ZMYM4: variants seen among roughly 807,000 people sequenced by gnomAD.
The protein encoded by ZMYM4 is zinc finger MYM-type containing 4, also known as zinc finger MYM-type protein 4.
A neutral mutation model predicts 183.2 loss-of-function variants in ZMYM4; 31 were observed. The observed-to-expected ratio is 0.17, with a 90% CI of 0.13 to 0.23. The LOEUF (loss-of-function observed/expected upper bound fraction) is 0.23, where lower values mean the gene tolerates loss of function less well. Ranked by LOEUF, ZMYM4 falls within the 10% of genes least tolerant of loss-of-function variation. The pLI is 1.00. For synonymous variants in ZMYM4, 592 were observed against 631.2 expected (o/e 0.94, Z 0.93); for missense variants, 1,273 against 1,840.3 (o/e 0.69, Z 5.64).
intron 1 of ZMYM4, among the ~76,000 whole-genome samples, chr1:35,311,159 T>C (rs7553351): frequency 0.99 from 150,862 of 152,178 alleles, 74,794 homozygotes; most frequent in Non-Finnish European, 1. Context: ...GTGGCTCACG[T>C]CTGTAATCCC....
At position 35,303,287 on chromosome 1, in the gene ZMYM4, C is replaced by CAA. The variant is rs768765815; in HGVS notation, c.40-22058_40-22057dup. Among the ~76,000 whole-genome samples, 67 of 71,000 alleles carry CAA rather than the reference C, an allele frequency of 9.4e-4. 1 individual carries two copies. In the East Asian group the frequency reaches 0.017, roughly 18 times the overall value. The allele number at this position is 71,000 out of a possible 152,430, so 46.6% of individuals were successfully genotyped here. A position where few individuals can be genotyped will look rare whatever the true frequency, so the allele number is the denominator to read the frequency against. ...CTGGTGACAGAGGGATACCTTGTCT[C>CAA]AAAAAAAAAAAAAAAAGAAAAGAAA... On this transcript the variant is annotated intron_variant, in intron 1 of 29. Transcript: ENST00000314607.
At chr1:35,391,805 G>A (rs1423381124) in intron 15 of ZMYM4, among the ~76,000 whole-genome samples, 1 of 151,288 alleles carries the variant, frequency 6.6e-6, no homozygotes, top group Non-Finnish European at 1.5e-5. Flanking sequence ...CACTTTGGGA[G>A]GCTGAGGCAG....
intron 18 of ZMYM4, among the ~76,000 whole-genome samples, chr1:35,395,806 A>G (rs1380847797): frequency 2.0e-5 from 3 of 152,208 alleles, no homozygotes; most frequent in Admixed American, 1.3e-4. Flanking sequence ...TCAGTGCTAT[A>G]CAGAAGTATG....
At chr1:35,377,632 A>G (rs745951188) in intron 7 of ZMYM4, among the ~76,000 whole-genome samples, 10 of 152,234 alleles carry the variant, frequency 6.6e-5, no homozygotes, top group African/African-American at 9.6e-5. Flanking sequence ...TCTGTGTGCA[A>G]TAGCATTAAA....
intron 2 of ZMYM4, 28 bp from the exon 3 acceptor site, chr1:35,358,897 T>C (rs1643883693): frequency 7.6e-6 from 12 of 1,581,436 alleles, no homozygotes; most frequent in Non-Finnish European, 1.0e-5. Flanking sequence ...GCACTATCAT[T>C]TGTCTAAACA....
chr1:35,285,761 A>G (rs1339899373), intron 1 of ZMYM4, among the ~76,000 whole-genome samples: 1 of 152,194 alleles, frequency 6.6e-6, no homozygotes, highest in Non-Finnish European at 1.5e-5. Context: ...TGGGGGGTCC[A>G]GGGTCCAGTC....
chr1:35,336,648 G>A (rs1310131798), intron 2 of ZMYM4, among the ~76,000 whole-genome samples: 1 of 152,030 alleles, frequency 6.6e-6, no homozygotes, highest in Non-Finnish European at 1.5e-5. Flanking sequence ...CAGGTGATCT[G>A]CCCACCCCAG....
At chr1:35,394,341 G>A (rs770376978) in intron 18 of ZMYM4, among the ~76,000 whole-genome samples, 3 of 151,760 alleles carry the variant, frequency 2.0e-5, no homozygotes, top group Non-Finnish European at 4.4e-5. Context: ...CAGGATCCCA[G>A]TGTTCTTGGC....
At chr1:35,320,745 T>C (rs1472034043) in intron 1 of ZMYM4, among the ~76,000 whole-genome samples, 1 of 152,210 alleles carries the variant, frequency 6.6e-6, no homozygotes, top group Non-Finnish European at 1.5e-5. Context: ...TGGTGTCTGC[T>C]AGATATTTGG....
At chr1:35,314,219 T>C (rs1641932876) in intron 1 of ZMYM4, among the ~76,000 whole-genome samples, 1 of 152,208 alleles carries the variant, frequency 6.6e-6, no homozygotes, top group Non-Finnish European at 1.5e-5. Context: ...CTATACATTA[T>C]TTTGGACTAG....
intron 1 of ZMYM4, among the ~76,000 whole-genome samples, chr1:35,290,296 A>G (rs1485129292): frequency 6.6e-6 from 1 of 152,162 alleles, no homozygotes; most frequent in Non-Finnish European, 1.5e-5. Context: ...GTCTTTTTAA[A>G]AATCATATTT....
chr1:35,418,292 A>T (rs1640201538), intron 28 of ZMYM4, 151 bp from the exon 29 acceptor site: 2 of 767,152 alleles, frequency 2.6e-6, no homozygotes, highest in Non-Finnish European at 4.0e-6. Context: ...TGGCACCTTC[A>T]TAGGCACTCA....
Position 35,393,889 on chromosome 1 carries a change from TA to T in ZMYM4, c.2911+151del, listed in dbSNP as rs1360774127. 4 of 913,958 alleles carry T rather than the reference TA, an allele frequency of 4.4e-6. No individual in the cohort carries two copies. In the East Asian group the frequency reaches 1.2e-4, roughly 28 times the overall value. The allele number at this position is 913,958 out of a possible 1,614,324, so 56.6% of individuals were successfully genotyped here. A position where few individuals can be genotyped will look rare whatever the true frequency, so the allele number is the denominator to read the frequency against. On this transcript the variant is annotated intron_variant, in intron 18 of 29. Coordinates refer to ENST00000314607, the MANE Select transcript of ZMYM4 (RefSeq NM_005095.3). Reference sequence around the variant, plus strand: ...TAGTTCTCACAGCATCCCCGTGAGTTAGGTATTTTCCGCATCTGAGGCTTAA... The same window carrying T: ...TAGTTCTCACAGCATCCCCGTGAGTTGGTATTTTCCGCATCTGAGGCTTAA...
intron 1 of ZMYM4, among the ~76,000 whole-genome samples, chr1:35,299,641 CAA>C (rs1641182517): frequency 6.6e-6 from 1 of 152,170 alleles, no homozygotes; most frequent in Non-Finnish European, 1.5e-5. Flanking sequence ...TCTGTGCAAA[CAA>C]AGACTTAGCC....
chr1:35,358,865 C>A, intron 2 of ZMYM4, 60 bp from the exon 3 acceptor site: 3 of 1,395,046 alleles, frequency 2.2e-6, no homozygotes, highest in Non-Finnish European at 3.0e-6. Context: ...CCAGACTGAC[C>A]TTATCATTGT....
At chr1:35,293,848 T>C (rs1235390427) in intron 1 of ZMYM4, among the ~76,000 whole-genome samples, 1 of 152,140 alleles carries the variant, frequency 6.6e-6, no homozygotes, top group Non-Finnish European at 1.5e-5. Context: ...TTCTGTGGAA[T>C]ACTTGAATTA....
intron 15 of ZMYM4, among the ~76,000 whole-genome samples, chr1:35,390,600 A>T (rs1644683653): frequency 6.6e-6 from 1 of 152,190 alleles, no homozygotes; most frequent in Non-Finnish European, 1.5e-5. Context: ...GGAACCGGCC[A>T]TCTGGATGTG....
chr1:35,343,372 C>G (rs1279516759), intron 2 of ZMYM4, among the ~76,000 whole-genome samples: 2 of 151,888 alleles, frequency 1.3e-5, no homozygotes, highest in African/African-American at 2.4e-5. Flanking sequence ...TAAAATAAAT[C>G]TTTTTGTATA....
intron 26 of ZMYM4, among the ~76,000 whole-genome samples, chr1:35,411,706 C>T (rs1056083578): frequency 1.3e-5 from 2 of 152,166 alleles, no homozygotes; most frequent in African/African-American, 2.4e-5. Flanking sequence ...ATTTTAACAT[C>T]ATTAAATCTT....
Sources: allele counts gnomAD v4.1 joint callset (sites outside exome capture counted in the v4.1 genomes callset), GRCh38; gene constraint gnomAD v4.1.1; transcripts MANE v1.5; gene names NCBI Gene and HGNC (gene_info 2026-07-23, HGNC 2026-07-21).